The following PPP2R2C variants were observed in gnomAD, a reference collection of about 807,000 sequenced individuals.
The protein encoded by PPP2R2C is protein phosphatase 2, regulatory subunit B, gamma.
In PPP2R2C, 10 loss-of-function variants were observed where a neutral mutation model predicts 45.3. That is an observed-to-expected ratio of 0.22 (90% CI 0.14 to 0.37). The LOEUF is 0.37. Ranked by LOEUF, PPP2R2C falls within the 10% of genes least tolerant of loss-of-function variation. The pLI, the probability that PPP2R2C is intolerant of heterozygous loss-of-function variation, is 1.00. For missense variants in PPP2R2C, 308 were observed against 619.7 expected (o/e 0.50, Z 5.34); for synonymous variants, 257 against 245.4 (o/e 1.05, Z -0.44).
intron 1 of PPP2R2C, among the ~76,000 whole-genome samples, chr4:6,555,212 A>G (rs1425598803): frequency 6.6e-6 from 1 of 151,968 alleles, no homozygotes. Context: ...CCAAAGCCCC[A>G]CCCTCAATAC....
At chr4:6,549,095 C>T (rs928513725) in intron 1 of PPP2R2C, among the ~76,000 whole-genome samples, 12 of 152,306 alleles carry the variant, frequency 7.9e-5, no homozygotes, top group East Asian at 3.9e-4. Flanking sequence ...CCTGTCCAGA[C>T]CTCTGGAGCT....
At chr4:6,481,045 C>T (rs1005920649) in intron 2 of PPP2R2C, among the ~76,000 whole-genome samples, 1 of 152,152 alleles carries the variant, frequency 6.6e-6, no homozygotes, top group African/African-American at 2.4e-5. Flanking sequence ...TAATTGTATC[C>T]TCTGCTGTTT....
At chr4:6,433,187 G>A (rs899367972) in intron 1 of PPP2R2C, among the ~76,000 whole-genome samples, 1 of 152,154 alleles carries the variant, frequency 6.6e-6, no homozygotes, top group African/African-American at 2.4e-5. Flanking sequence ...TGTGCAGGGG[G>A]TTGGCTCCCC....
intron 1 of PPP2R2C, among the ~76,000 whole-genome samples, chr4:6,437,142 G>T (rs117892553): frequency 6.6e-6 from 1 of 152,176 alleles, no homozygotes; most frequent in African/African-American, 2.4e-5. Context: ...CACTCTCAGC[G>T]TCATGGTGCA....
chr4:6,382,417 C>G (rs1715869670), intron 1 of PPP2R2C: 3 of 1,351,800 alleles, frequency 2.2e-6, no homozygotes. Context: ...TTCCCTGTCC[C>G]AGCCTCTGTT....
intron 1 of PPP2R2C, among the ~76,000 whole-genome samples, chr4:6,459,994 G>A (rs1325390650): frequency 1.3e-5 from 2 of 152,060 alleles, no homozygotes; most frequent in East Asian, 3.8e-4. Context: ...AACCAAATAT[G>A]CACGCAAAAA....
intron 1 of PPP2R2C, among the ~76,000 whole-genome samples, chr4:6,391,328 G>T (rs568519108): frequency 6.7e-6 from 1 of 149,828 alleles, no homozygotes; most frequent in African/African-American, 2.5e-5. Context: ...ACCGTGTAGA[G>T]GACACAAGCA....
intron 1 of PPP2R2C, among the ~76,000 whole-genome samples, chr4:6,419,059 GAC>G (rs1490885487): frequency 2.6e-5 from 4 of 152,214 alleles, no homozygotes; most frequent in African/African-American, 9.7e-5. Flanking sequence ...CAAACTCAGT[GAC>G]ACCCAGCCCA....
chr4:6,526,882 G>C (rs1724224848), intron 2 of PPP2R2C, among the ~76,000 whole-genome samples: 1 of 152,290 alleles, frequency 6.6e-6, no homozygotes, highest in Middle Eastern at 3.4e-3. Flanking sequence ...GATTCCCTGA[G>C]GAGGGGGACA....
chr4:6,397,383 T>C (rs1365015833), intron 1 of PPP2R2C, among the ~76,000 whole-genome samples: 1 of 152,198 alleles, frequency 6.6e-6, no homozygotes, highest in Non-Finnish European at 1.5e-5. Flanking sequence ...AGAATATTGT[T>C]GCCTGGGAAG....
rs1721848850 is a variant in PPP2R2C at position 6,471,043 on chromosome 4, G to A, written c.70+1117C>T. Among the ~76,000 whole-genome samples, 2 of 152,084 alleles carry A rather than the reference G, an allele frequency of 1.3e-5. No individual in the cohort carries two copies. Among genetic ancestry groups the A allele is most frequent in the Admixed American group, 6.5e-5 (1 of 15,286 alleles). On this transcript the variant is annotated intron_variant, in intron 1 of 8. Coordinates refer to ENST00000382599, the MANE Select transcript of PPP2R2C (RefSeq NM_020416.4). The surrounding 1 kb of genome is among the most constrained non-coding windows in gnomAD (Gnocchi z 5.6). ...CATTTCCGGCAGAGCCAGGCTTCGA[G>A]GAGGCGGACCCAGCCGCAGGAGCCC...
intron 1 of PPP2R2C, among the ~76,000 whole-genome samples, chr4:6,557,662 C>G (rs1465440086): frequency 2.0e-5 from 3 of 152,112 alleles, no homozygotes; most frequent in Non-Finnish European, 4.4e-5. Context: ...TGGAGATGGG[C>G]ACAGCAGAGG....
At chr4:6,437,591 C>A (rs1364807674) in intron 1 of PPP2R2C, among the ~76,000 whole-genome samples, 4 of 152,224 alleles carry the variant, frequency 2.6e-5, no homozygotes. Flanking sequence ...TAGGTAGAGT[C>A]ATGTCCCTTA....
intron 2 of PPP2R2C, among the ~76,000 whole-genome samples, chr4:6,524,631 T>C (rs1724136079): frequency 6.6e-6 from 1 of 152,166 alleles, no homozygotes; most frequent in African/African-American, 2.4e-5. Context: ...TGGGACTGGA[T>C]TGACAGATGC....
chr4:6,503,872 C>A (rs1279515206), intron 2 of PPP2R2C, among the ~76,000 whole-genome samples: 1 of 151,546 alleles, frequency 6.6e-6, no homozygotes, highest in African/African-American at 2.4e-5. Context: ...ATCAGACCAA[C>A]CCTCCCACAA....
At chr4:6,464,037 C>T (rs893728894) in intron 1 of PPP2R2C, among the ~76,000 whole-genome samples, 1 of 152,134 alleles carries the variant, frequency 6.6e-6, no homozygotes. Context: ...AGGCTGCATT[C>T]AAAACTCAGC....
chr4:6,478,591 GGTT>G (rs1383721890), intron 2 of PPP2R2C, among the ~76,000 whole-genome samples: 1 of 152,180 alleles, frequency 6.6e-6, no homozygotes, highest in African/African-American at 2.4e-5. Flanking sequence ...GAGAGTTGTG[GGTT>G]GTTGGTGACA....
At position 6,331,279 on chromosome 4, in the gene PPP2R2C, C is replaced by T. The variant is rs184580689; in HGVS notation, c.961-1926G>A. On this transcript the variant is annotated intron_variant, in intron 7 of 8. Transcript: ENST00000382599. The surrounding 1 kb of genome is among the most constrained non-coding windows in gnomAD (Gnocchi z 5.9). The stretch of plus-strand genomic sequence containing the variant: ...GGAGAAAGACTGTCAATCTAAGGTC[C>T]GCTGCTTGCTGGCTCTGTCACAGAT... Among the ~76,000 whole-genome samples the T allele has an allele frequency of 7.9e-5, 12 of 152,210 alleles. No homozygotes were observed. The East Asian group carries it at 9.7e-4, about 12-fold the overall frequency.
intron 2 of PPP2R2C, among the ~76,000 whole-genome samples, chr4:6,482,941 T>C (rs1433103207): frequency 6.6e-6 from 1 of 151,904 alleles, no homozygotes; most frequent in African/African-American, 2.4e-5. Flanking sequence ...TTGTCTAATG[T>C]GGATGCTTTT....
Sources: allele counts gnomAD v4.1 joint callset (sites outside exome capture counted in the v4.1 genomes callset), GRCh38; gene constraint gnomAD v4.1.1; non-coding constraint Gnocchi (gnomAD v3.1); transcripts MANE v1.5; gene names NCBI Gene and HGNC (gene_info 2026-07-23, HGNC 2026-07-21).